Variants in MAEA observed in about 807,000 individuals in gnomAD.
The protein encoded by MAEA is E3 ubiquitin-protein transferase MAEA.
MAEA carries 22 observed loss-of-function variants against 46.2 expected under a neutral mutation model. That is an observed-to-expected ratio of 0.48 (90% CI 0.34 to 0.68). The LOEUF (loss-of-function observed/expected upper bound fraction) is 0.68, where lower values mean the gene tolerates loss of function less well. Ranked by LOEUF, MAEA falls within the 30% of genes least tolerant of loss-of-function variation. MAEA has a pLI of 0.01. For missense variants in MAEA, 393 were observed against 558.1 expected (o/e 0.70, Z 2.98); for synonymous variants, 246 against 222.6 (o/e 1.11, Z -0.94).
rs1363001081 is a variant in MAEA at position 1,332,585 on chromosome 4, T to C, written c.657-172T>C. On this transcript the variant is annotated intron_variant, in intron 5 of 8. Transcript: ENST00000303400. ...TTTTTACATTAGCTAGGTGTGGTGC[T>C]GCACATCTGCGGTCTCAGCTTCTCG... 5.4e-6 allele frequency: 3 copies of C among 558,862 alleles called. 1 individual carries two copies. Among genetic ancestry groups the C allele is most frequent in the South Asian group, 4.1e-5 (2 of 48,960 alleles). The allele number at this position is 558,862 out of a possible 1,614,324, so 34.6% of individuals were successfully genotyped here.
chr4:1,315,768 C>T (rs1262227816), intron 3 of MAEA, among the ~76,000 whole-genome samples, 168 bp downstream of exon 3: 1 of 107,784 alleles, frequency 9.3e-6, no homozygotes, highest in South Asian at 3.9e-4. Context: ...GTGCGTGTGT[C>T]CCCCCTCCAG....
intron 1 of MAEA, among the ~76,000 whole-genome samples, chr4:1,298,285 T>G (rs1167649943): frequency 6.6e-6 from 1 of 152,108 alleles, no homozygotes; most frequent in Non-Finnish European, 1.5e-5. Context: ...CCTTTGTTCA[T>G]GCACCAGACC....
chr4:1,316,513 G>GC (rs1577183345), intron 3 of MAEA, among the ~76,000 whole-genome samples: 1 of 152,110 alleles, frequency 6.6e-6, no homozygotes, highest in East Asian at 1.9e-4. Flanking sequence ...AGAGGATTGT[G>GC]CCCCATGGCC....
intron 4 of MAEA, among the ~76,000 whole-genome samples, chr4:1,322,943 C>CCTTTTTTTTTTTTTTTT (rs1560368750): frequency 2.7e-5 from 2 of 75,246 alleles, no homozygotes; most frequent in African/African-American, 6.2e-5. Context: ...TGAATACCCA[C>CCTTTTTTTTTTTTTTTT]TTTTTTTTTT....
At chr4:1,323,440 T>C in intron 4 of MAEA, 4 of 701,878 alleles carry the variant, frequency 5.7e-6, no homozygotes, top group Non-Finnish European at 5.2e-6. Flanking sequence ...TCACCCTGGC[T>C]GAGTTTGGCA....
chr4:1,317,030 CTGCAGG>C, intron 3 of MAEA, among the ~76,000 whole-genome samples: 1 of 133,438 alleles, frequency 7.5e-6, no homozygotes, highest in Non-Finnish European at 1.7e-5. Context: ...CCAGACTCAC[CTGCAGG>C]CCCACCCGGT....
At chr4:1,300,827 G>C (rs148547894) in intron 1 of MAEA, among the ~76,000 whole-genome samples, 7 of 152,356 alleles carry the variant, frequency 4.6e-5, no homozygotes, top group African/African-American at 1.7e-4. Flanking sequence ...CTCAGAAGTT[G>C]ACTGGAAGTG....
chr4:1,309,734 T>A (rs746826011), intron 1 of MAEA: 1 of 1,513,000 alleles, frequency 6.6e-7, no homozygotes, highest in Non-Finnish European at 8.8e-7. Flanking sequence ...CCCGGCCTCC[T>A]TCATGCCTGC....
intron 2 of MAEA, 143 bp downstream of exon 2, chr4:1,312,304 T>C: frequency 3.5e-6 from 3 of 860,232 alleles, no homozygotes; most frequent in Non-Finnish European, 5.4e-6. Context: ...GTCTGCCTTC[T>C]GGGGCCACTG....
At chr4:1,323,771 C>G (rs1399896088) in intron 4 of MAEA, among the ~76,000 whole-genome samples, 1 of 152,236 alleles carries the variant, frequency 6.6e-6, no homozygotes, top group Non-Finnish European at 1.5e-5. Flanking sequence ...GCCCTAATTA[C>G]CTGCCGGACA....
intron 2 of MAEA, 131 bp downstream of exon 2, chr4:1,312,292 C>A (rs1560348624): frequency 2.0e-6 from 2 of 998,188 alleles, no homozygotes; most frequent in Non-Finnish European, 2.9e-6. Flanking sequence ...CCCTTCCCTG[C>A]TGTCTGCCTT....
intron 6 of MAEA, among the ~76,000 whole-genome samples, chr4:1,334,441 A>G (rs1183362051): frequency 6.6e-6 from 1 of 152,178 alleles, no homozygotes; most frequent in Non-Finnish European, 1.5e-5. Flanking sequence ...AATCATCATT[A>G]GGTCACGAGG....
chr4:1,328,024 C>G (rs559058564), intron 5 of MAEA, among the ~76,000 whole-genome samples: 20 of 152,360 alleles, frequency 1.3e-4, no homozygotes, highest in Non-Finnish European at 2.1e-4. Context: ...CCCGGCACCC[C>G]CTTTCCACAT....
At chr4:1,338,264 T>A in intron 7 of MAEA, 158 bp from the exon 8 acceptor site, 2 of 571,112 alleles carry the variant, frequency 3.5e-6, no homozygotes, top group Non-Finnish European at 6.2e-6. Flanking sequence ...AGCTGTCGAG[T>A]GCAGCACTTC....
intron 1 of MAEA, chr4:1,299,482 C>A (rs1019598050): frequency 1.3e-5 from 2 of 152,946 alleles, no homozygotes; most frequent in African/African-American, 4.8e-5. Flanking sequence ...TCTGCTCATG[C>A]CCACCCCGGC....
intron 4 of MAEA, among the ~76,000 whole-genome samples, chr4:1,326,719 C>T (rs897335299): frequency 6.6e-5 from 10 of 151,990 alleles, no homozygotes; most frequent in Admixed American, 5.2e-4. Context: ...CCTCCCTTCA[C>T]GCGAGCCGCC....
At chr4:1,293,094 C>T (rs1229186056) in intron 1 of MAEA, among the ~76,000 whole-genome samples, 1 of 152,042 alleles carries the variant, frequency 6.6e-6, no homozygotes, top group Admixed American at 6.5e-5. Context: ...CGTGGTTTCT[C>T]CATGTTGTCC....
chr4:1,333,225 C>T lies in MAEA; in HGVS notation c.765+360C>T, dbSNP rs1200613580. ...GGCATAGTAGCACCTGCCTATAGTC[C>T]AGCTACCCAGGAGGCTGAGGTGGGA... On this transcript the variant is annotated intron_variant, in intron 6 of 8. Transcript: ENST00000303400. Among the ~76,000 whole-genome samples the T allele has an allele frequency of 2.6e-5, 4 of 151,892 alleles. No homozygotes were observed. The East Asian group carries it at 5.8e-4, about 22-fold the overall frequency.
At chr4:1,305,778 A>C (rs561636991) in intron 1 of MAEA, among the ~76,000 whole-genome samples, 1 of 69,084 alleles carries the variant, frequency 1.4e-5, no homozygotes, top group African/African-American at 3.2e-5. Flanking sequence ...CGTGCGTGTA[A>C]GGAGCTGTGT....
Sources: allele counts gnomAD v4.1 joint callset (sites outside exome capture counted in the v4.1 genomes callset), GRCh38; gene constraint gnomAD v4.1.1; transcripts MANE v1.5; gene names NCBI Gene and HGNC (gene_info 2026-07-23, HGNC 2026-07-21).